TAS2R1: variants seen among roughly 807,000 people sequenced by gnomAD.
The protein encoded by TAS2R1 is taste receptor type 2 member 1.
For synonymous variants in TAS2R1, 141 were observed against 134.2 expected (o/e 1.05, Z -0.35); for missense variants, 370 against 353.4 (o/e 1.05, Z -0.38).
chr5:9,869,781 G>C, the TAS2R1 span, among the ~76,000 whole-genome samples: 1 of 152,140 alleles, frequency 6.6e-6, no homozygotes, highest in Admixed American at 6.6e-5. Context: ...TGCTAATTGT[G>C]GTTGGTATCC....
At chr5:9,728,514 C>T in the TAS2R1 span, among the ~76,000 whole-genome samples, 1 of 152,182 alleles carries the variant, frequency 6.6e-6, no homozygotes, top group Non-Finnish European at 1.5e-5. Flanking sequence ...AGGGTCAGGA[C>T]TCATTTAGGA....
At chr5:9,649,162 T>C (rs1480562082) in intron 2 of TAS2R1, among the ~76,000 whole-genome samples, 1 of 152,196 alleles carries the variant, frequency 6.6e-6, no homozygotes, top group Non-Finnish European at 1.5e-5. Flanking sequence ...TCTTTGGCAT[T>C]GTATTTTTTT....
intron 1 of TAS2R1, among the ~76,000 whole-genome samples, chr5:9,666,222 T>C (rs1740629685): frequency 6.6e-6 from 1 of 152,210 alleles, no homozygotes; most frequent in East Asian, 1.9e-4. Context: ...GCAGATGCTC[T>C]GACTGGAAGC....
chr5:9,723,453 C>T, the TAS2R1 span, among the ~76,000 whole-genome samples: 1 of 152,178 alleles, frequency 6.6e-6, no homozygotes, highest in South Asian at 2.1e-4. Context: ...GAGATGAGGC[C>T]AACTCCTCTC....
At chr5:9,737,145 C>A in the TAS2R1 span, among the ~76,000 whole-genome samples, 1 of 152,142 alleles carries the variant, frequency 6.6e-6, no homozygotes, top group Non-Finnish European at 1.5e-5. Flanking sequence ...AAGTGTGCAA[C>A]CTATACCACT....
At chr5:9,719,803 A>T in the TAS2R1 span, among the ~76,000 whole-genome samples, 1 of 151,656 alleles carries the variant, frequency 6.6e-6, no homozygotes, top group Non-Finnish European at 1.5e-5. Flanking sequence ...CTGTAGTACC[A>T]GCTACTCAGG....
intron 1 of TAS2R1, among the ~76,000 whole-genome samples, chr5:9,710,519 C>T (rs568740699): frequency 9.2e-5 from 14 of 152,244 alleles, no homozygotes; most frequent in South Asian, 8.3e-4. Flanking sequence ...ACTGAAATAT[C>T]TCTAGTAAAT....
At chr5:9,657,746 G>A (rs1740442998) in intron 2 of TAS2R1, among the ~76,000 whole-genome samples, 1 of 152,118 alleles carries the variant, frequency 6.6e-6, no homozygotes, top group African/African-American at 2.4e-5. Context: ...GCGGGGAGTG[G>A]GGAATGGGGA....
At chr5:9,780,911 T>C in the TAS2R1 span, among the ~76,000 whole-genome samples, 358 of 152,342 alleles carry the variant, frequency 2.3e-3, 2 homozygotes, top group African/African-American at 8.3e-3. Context: ...AAACAATGAA[T>C]TCTGCTTCAA....
At chr5:9,736,280 C>A in the TAS2R1 span, among the ~76,000 whole-genome samples, 47 of 152,336 alleles carry the variant, frequency 3.1e-4, no homozygotes, top group African/African-American at 1.1e-3. Context: ...GGCTGTGGGA[C>A]CGCAGAAAGC....
At chr5:9,815,557 C>T in the TAS2R1 span, among the ~76,000 whole-genome samples, 1 of 152,134 alleles carries the variant, frequency 6.6e-6, no homozygotes, top group Non-Finnish European at 1.5e-5. Flanking sequence ...CCCTATGGGT[C>T]TGCAGGTCCC....
At chr5:9,773,272 A>C in the TAS2R1 span, among the ~76,000 whole-genome samples, 1 of 152,160 alleles carries the variant, frequency 6.6e-6, no homozygotes, top group Non-Finnish European at 1.5e-5. Flanking sequence ...TAAACAAACA[A>C]GCAAACAATC....
At chr5:9,791,066 A>C in the TAS2R1 span, among the ~76,000 whole-genome samples, 1 of 152,184 alleles carries the variant, frequency 6.6e-6, no homozygotes, top group Non-Finnish European at 1.5e-5. Context: ...TTGAGCCCCA[A>C]CCAAGACTCT....
intron 1 of TAS2R1, among the ~76,000 whole-genome samples, chr5:9,682,757 G>A (rs959936924): frequency 9.2e-5 from 14 of 152,074 alleles, no homozygotes; most frequent in African/African-American, 2.9e-4. Flanking sequence ...AACTAGAACT[G>A]CACATGTGGA....
intron 1 of TAS2R1, among the ~76,000 whole-genome samples, chr5:9,699,019 TAAGCTCA>T: frequency 6.6e-6 from 1 of 152,316 alleles, no homozygotes. Flanking sequence ...TCTTGAGAAC[TAAGCTCA>T]AAACAGTTCC....
the TAS2R1 span, among the ~76,000 whole-genome samples, chr5:9,892,632 G>A: frequency 1.3e-5 from 2 of 152,074 alleles, no homozygotes; most frequent in African/African-American, 4.8e-5. Flanking sequence ...ATCTAGGCTG[G>A]ATATTTAGGC....
chr5:9,750,648 T>C, the TAS2R1 span, among the ~76,000 whole-genome samples: 1 of 152,176 alleles, frequency 6.6e-6, no homozygotes. Flanking sequence ...CTTTCATCAT[T>C]AGAAACAGCA....
the TAS2R1 span, among the ~76,000 whole-genome samples, chr5:9,838,533 G>T: frequency 6.6e-6 from 1 of 152,184 alleles, no homozygotes; most frequent in Non-Finnish European, 1.5e-5. Flanking sequence ...TACATGATGT[G>T]AAATGACACC....
At chr5:9,836,560 G>A in the TAS2R1 span, among the ~76,000 whole-genome samples, 9,085 of 152,072 alleles carry the variant, frequency 0.06, 644 homozygotes, top group East Asian at 0.23. Flanking sequence ...GAGGAAAATC[G>A]CCCCAGGCAG....
Sources: allele counts gnomAD v4.1 joint callset (sites outside exome capture counted in the v4.1 genomes callset), GRCh38; gene constraint gnomAD v4.1.1; transcripts MANE v1.5; gene names NCBI Gene and HGNC (gene_info 2026-07-23, HGNC 2026-07-21).